Variants in IRAG1 observed in about 807,000 individuals in gnomAD.
IRAG1 encodes inositol 1,4,5-triphosphate receptor associated 1.
Under a neutral mutation model 106.2 loss-of-function variants are expected in IRAG1, and 62 were observed. That is an observed-to-expected ratio of 0.58 (90% CI 0.48 to 0.72). The LOEUF (loss-of-function observed/expected upper bound fraction) is 0.72, where lower values mean the gene tolerates loss of function less well. Ranked by LOEUF, IRAG1 falls within the 30% of genes least tolerant of loss-of-function variation. IRAG1 has a pLI of 0.00. For missense variants in IRAG1, 1,064 were observed against 1,140.7 expected (o/e 0.93, Z 0.97); for synonymous variants, 462 against 443.9 (o/e 1.04, Z -0.51).
At chr11:10,672,713 T>C (rs1163893375) in intron 1 of IRAG1, among the ~76,000 whole-genome samples, 2 of 152,172 alleles carry the variant, frequency 1.3e-5, no homozygotes, top group Non-Finnish European at 2.9e-5. Context: ...CCCTTATATA[T>C]TGCTGGTAGA....
chr11:10,622,896 C>CACACACACACACACACACATACAT (rs543628217), intron 10 of IRAG1, among the ~76,000 whole-genome samples: 41 of 151,962 alleles, frequency 2.7e-4, no homozygotes, highest in Non-Finnish European at 4.6e-4. Context: ...CACACACACA[C>CACACACACACACACACACATACAT]ACACACTCCT....
At position 10,574,956 on chromosome 11, in the gene IRAG1, T is replaced by C. The variant is rs1248195759; in HGVS notation, c.*1376A>G. 1.3e-5 allele frequency: 2 copies of C among 152,246 alleles called. No individual in the cohort carries two copies. Among genetic ancestry groups the C allele is most frequent in the Non-Finnish European group, 2.9e-5 (2 of 68,040 alleles). The allele number at this position is 152,246 out of a possible 1,614,324, so 9.4% of individuals were successfully genotyped here. A position where few individuals can be genotyped will look rare whatever the true frequency, so the allele number is the denominator to read the frequency against. On this transcript the variant is annotated 3_prime_UTR_variant, in exon 21 of 21. Coordinates refer to ENST00000423302, the MANE Select transcript of IRAG1 (RefSeq NM_130385.4). ...AATATCCACTTCGTATTTTTTTTTC[T>C]TTTTCTTCAGGACTTAAATGAATTC...
chr11:10,601,773 G>A (rs1021168386), intron 14 of IRAG1, among the ~76,000 whole-genome samples: 1 of 152,238 alleles, frequency 6.6e-6, no homozygotes, highest in Non-Finnish European at 1.5e-5. Flanking sequence ...GGACTCAAGG[G>A]AGTGAGACTG....
intron 1 of IRAG1, among the ~76,000 whole-genome samples, chr11:10,662,013 G>C (rs1171210576): frequency 6.6e-6 from 1 of 152,110 alleles, no homozygotes; most frequent in Non-Finnish European, 1.5e-5. Flanking sequence ...ATATTTTTAT[G>C]ACCTGCCTCC....
At chr11:10,580,367 G>A in intron 20 of IRAG1, 88 bp downstream of exon 20, 2 of 1,547,328 alleles carry the variant, frequency 1.3e-6, no homozygotes, top group Admixed American at 4.1e-5. Context: ...CCCTGGACTG[G>A]CATTTCCAGG....
intron 1 of IRAG1, among the ~76,000 whole-genome samples, chr11:10,652,734 A>C (rs1401484125): frequency 1.3e-5 from 2 of 152,140 alleles, no homozygotes; most frequent in African/African-American, 2.4e-5. Flanking sequence ...TTTCTGCTAT[A>C]CTACACAGTG....
intron 15 of IRAG1, among the ~76,000 whole-genome samples, chr11:10,597,995 A>T (rs72862332): frequency 0.019 from 2,911 of 152,364 alleles, 33 homozygotes; most frequent in African/African-American, 0.028. Flanking sequence ...CCTATGAGGA[A>T]GGAGAAAGTG....
intron 1 of IRAG1, among the ~76,000 whole-genome samples, chr11:10,669,022 G>A (rs1377066806): frequency 6.6e-6 from 1 of 152,164 alleles, no homozygotes; most frequent in East Asian, 1.9e-4. Context: ...GGAGGAAGAA[G>A]TCCTTCAAAG....
chr11:10,608,619 T>A (rs904686927), intron 11 of IRAG1, among the ~76,000 whole-genome samples: 5 of 152,228 alleles, frequency 3.3e-5, no homozygotes, highest in African/African-American at 1.2e-4. Flanking sequence ...GCATCTTTTT[T>A]AAGTGACTAT....
chr11:10,573,426 C>T lies in IRAG1; in HGVS notation c.*2906G>A, dbSNP rs1850681943. 6.6e-6 allele frequency: 1 copy of T among 152,290 alleles called. No individual in the cohort carries two copies. Among genetic ancestry groups the T allele is most frequent in the South Asian group, 2.1e-4 (1 of 4,822 alleles). 9.4% of individuals were successfully genotyped at this position (152,290 alleles called of 1,614,324 possible). On this transcript the variant is annotated 3_prime_UTR_variant, in exon 21 of 21. Coordinates refer to ENST00000423302, the MANE Select transcript of IRAG1 (RefSeq NM_130385.4). ...GGGGGACTCTTCAGATCCACATCCT[C>T]ACTGAAAATCCAGGGCCTGTTTCTC...
At chr11:10,632,162 C>T in intron 3 of IRAG1, 101 bp from the exon 4 acceptor site, 7 of 730,144 alleles carry the variant, frequency 9.6e-6, no homozygotes, top group South Asian at 1.8e-5. Context: ...TTCTTTCTTT[C>T]TTTGTTTCCT....
At chr11:10,648,184 C>T (rs753930737) in intron 2 of IRAG1, among the ~76,000 whole-genome samples, 7 of 152,100 alleles carry the variant, frequency 4.6e-5, no homozygotes, top group Non-Finnish European at 7.4e-5. Context: ...GCCAACACGG[C>T]GAAACCCCAT....
chr11:10,674,582 C>G (rs546008947), intron 1 of IRAG1, among the ~76,000 whole-genome samples: 8 of 152,334 alleles, frequency 5.3e-5, no homozygotes, highest in African/African-American at 1.4e-4. Flanking sequence ...GGGCTTTCAG[C>G]TGGAAACTTC....
intron 2 of IRAG1, among the ~76,000 whole-genome samples, chr11:10,648,576 C>T (rs1363825795): frequency 6.6e-6 from 1 of 152,198 alleles, no homozygotes; most frequent in Non-Finnish European, 1.5e-5. Context: ...CTGTGGTCCC[C>T]TCAGGTCCCA....
chr11:10,608,598 A>T (rs912245821), intron 11 of IRAG1, among the ~76,000 whole-genome samples: 5 of 152,232 alleles, frequency 3.3e-5, no homozygotes, highest in Admixed American at 2.0e-4. Context: ...GTGAGCCTCT[A>T]AAAGGACACA....
Position 10,626,114 on chromosome 11 carries a change from T to C in IRAG1, c.1220A>G (p.Gln407Arg). The part of the protein sequence containing the change: ...SGPEEPGPRL[Q>R]KVLAKLPLAE... Reference sequence around the variant, plus strand: ...CAGTGGCAGCTTGGCAAGCACTTTCTGCAGCCGGGGGCCAGGTTCTTCAGG... The same window carrying C: ...CAGTGGCAGCTTGGCAAGCACTTTCCGCAGCCGGGGGCCAGGTTCTTCAGG... Residue 407 changes from glutamine (Q) to arginine (R), a missense_variant, in exon 9 of 21, where the codon CAG becomes CGG. By Grantham distance (43) the Gln-to-Arg change is conservative. Coordinates refer to ENST00000423302, the MANE Select transcript of IRAG1 (RefSeq NM_130385.4). 6.5e-7 allele frequency: 1 copy of C among 1,546,436 alleles called. No individual in the cohort carries two copies. Among genetic ancestry groups the C allele is most frequent in the Non-Finnish European group, 8.7e-7 (1 of 1,145,790 alleles).
intron 1 of IRAG1, among the ~76,000 whole-genome samples, chr11:10,684,520 A>G (rs1380839179): frequency 6.6e-6 from 1 of 151,660 alleles, no homozygotes; most frequent in Non-Finnish European, 1.5e-5. Flanking sequence ...TGACGAGTTA[A>G]TGGGTGCAGC....
At chr11:10,622,989 T>C (rs1034772300) in intron 10 of IRAG1, among the ~76,000 whole-genome samples, 1 of 152,160 alleles carries the variant, frequency 6.6e-6, no homozygotes, top group African/African-American at 2.4e-5. Flanking sequence ...TTAGGTACTT[T>C]ATAGATATTA....
Position 10,575,279 on chromosome 11 carries a change from C to T in IRAG1, c.*1053G>A, listed in dbSNP as rs1454133407. 6.6e-6 allele frequency: 1 copy of T among 152,198 alleles called. No individual in the cohort carries two copies. Among genetic ancestry groups the T allele is most frequent in the Non-Finnish European group, 1.5e-5 (1 of 68,036 alleles). 9.4% of individuals were successfully genotyped at this position (152,198 alleles called of 1,614,324 possible). A position where few individuals can be genotyped will look rare whatever the true frequency, so the allele number is the denominator to read the frequency against. ...CCATTTGAACTGAAGCACTGAGGTG[C>T]AAGTTTACTCTTGCATGTGGTCACA... is the stretch of plus-strand genomic sequence containing the variant. On this transcript the variant is annotated 3_prime_UTR_variant, in exon 21 of 21. Transcript: ENST00000423302.
Sources: allele counts gnomAD v4.1 joint callset (sites outside exome capture counted in the v4.1 genomes callset), GRCh38; gene constraint gnomAD v4.1.1; transcripts MANE v1.5; gene names NCBI Gene and HGNC (gene_info 2026-07-23, HGNC 2026-07-21).